ZNF814: variants seen among roughly 807,000 people sequenced by gnomAD.
The protein encoded by ZNF814 is zinc finger protein 814.
ZNF814 carries 5 observed loss-of-function variants against 7.5 expected under a neutral mutation model. The ratio of observed to expected loss-of-function variants is 0.67; its 90% confidence interval spans 0.35 to 1.40. The LOEUF (loss-of-function observed/expected upper bound fraction) is 1.40. Among genes scored for constraint, ZNF814 ranks in the 40% most tolerant of loss-of-function variants. The pLI, the probability that ZNF814 is intolerant of heterozygous loss-of-function variation, is 0.04. For missense variants in ZNF814, 962 were observed against 1,018.0 expected, an observed-to-expected ratio of 0.94 and a Z score of 0.75; for synonymous variants, 315 against 340.7, an observed-to-expected ratio of 0.92 and a Z score of 0.83.
At chr19:57,888,247 G>A (rs1435624049) in intron 1 of ZNF814, among the ~76,000 whole-genome samples, 4 of 152,122 alleles carry the variant, frequency 2.6e-5, no homozygotes, top group African/African-American at 7.2e-5. Context: ...CAGCCTCTGT[G>A]CCCATGGCCA....
At position 57,876,874 on chromosome 19, in the gene ZNF814, C is replaced by T. The variant is rs772669714; in HGVS notation, c.163+42G>A. 8.3e-5 allele frequency: 134 copies of T among 1,609,494 alleles called. 5 individuals are homozygous for T. In the South Asian group the frequency reaches 1.3e-3, roughly 16 times the overall value. ...ACCAATGGGGAAAGATAGGGGAAAA[C>T]AGAGACTAGCTCAGGTCACAGGGTG... On this transcript the variant is annotated intron_variant, in intron 2 of 2. Transcript: ENST00000435989.
At chr19:57,890,683 CT>C (rs2071730255), upstream of ZNF814, among the ~76,000 whole-genome samples, 1 of 152,128 alleles carries the variant, frequency 6.6e-6, no homozygotes, top group South Asian at 2.1e-4. Context: ...CCAATCTTAG[CT>C]TTTGCAATGG....
chr19:57,878,532 T>A (rs1232669642), intron 1 of ZNF814, among the ~76,000 whole-genome samples: 5 of 150,248 alleles, frequency 3.3e-5, no homozygotes, highest in Non-Finnish European at 7.4e-5. Flanking sequence ...CAATCTCGGC[T>A]CACTGCAACC....
chr19:57,901,050 G>GTGTTATCCAGGA, the ZNF814 span, among the ~76,000 whole-genome samples: 2 of 150,962 alleles, frequency 1.3e-5, no homozygotes. Flanking sequence ...GGGTTTCACC[G>GTGTTATCCAGGA]TGGTCTTGAT....
At chr19:57,883,868 C>T (rs1371708476) in intron 1 of ZNF814, among the ~76,000 whole-genome samples, 2 of 151,866 alleles carry the variant, frequency 1.3e-5, no homozygotes, top group Non-Finnish European at 2.9e-5. Flanking sequence ...AGTGATTCTC[C>T]TGCCTCAGCT....
chr19:57,880,510 G>C (rs1280958455), intron 1 of ZNF814, among the ~76,000 whole-genome samples: 1 of 151,408 alleles, frequency 6.6e-6, no homozygotes, highest in African/African-American at 2.5e-5. Flanking sequence ...GGTTTCTCTA[G>C]TGTTTCCGGT....
Position 57,873,510 on chromosome 19 carries a change from G to A in ZNF814, c.1880C>T (p.Thr627Ile). Reference sequence around the variant, plus strand: ...TCCACACTTGTAAGGTCTTTCTCCAGTGTGCATGCGCTGATGGTGAACAAG... The same window carrying A: ...TCCACACTTGTAAGGTCTTTCTCCAATGTGCATGCGCTGATGGTGAACAAG... Reference protein sequence around the residue: ...RSLVHHQRMHTGERPYKCGDC... With the variant: ...RSLVHHQRMHIGERPYKCGDC... The change falls in exon 3 of 3, where the codon ACT (threonine) becomes ATT (isoleucine). Residue 627 changes from threonine to isoleucine, a missense_variant. By Grantham distance (89) the Thr-to-Ile change is moderately conservative. This residue lies in a region of ZNF814 where 665 missense variants were observed against 551.4 expected (regional missense o/e 1.21). Coordinates refer to ENST00000435989, the MANE Select transcript of ZNF814 (RefSeq NM_001144989.2). 3 of 1,614,080 alleles carry A rather than the reference G, an allele frequency of 1.9e-6. No homozygotes were observed. The highest frequency in any genetic ancestry group is 2.5e-6 in the Non-Finnish European group (3 of 1,179,994).
At chr19:57,900,426 C>G in the ZNF814 span, 1 of 152,192 alleles carries the variant, frequency 6.6e-6, no homozygotes, top group Non-Finnish European at 1.5e-5. Context: ...GGCGGATGCA[C>G]TGGTTTCTGC....
At position 57,872,464 on chromosome 19, in the gene ZNF814, T is replaced by C. The variant is rs2071563824; in HGVS notation, c.*358A>G. On this transcript the variant is annotated 3_prime_UTR_variant, in exon 3 of 3. Transcript: ENST00000435989. ...CTCTGATCTTGAAGGAGCAAAGAGGTGTGGCTACAAAATTGCCCAAATGTA... is the reference window on the plus strand; with the variant it reads ...CTCTGATCTTGAAGGAGCAAAGAGGCGTGGCTACAAAATTGCCCAAATGTA... The C allele has an allele frequency of 7.3e-6, 3 of 411,740 alleles. No individual in the cohort carries two copies. In the East Asian group the frequency reaches 1.3e-4, roughly 18 times the overall value. 25.5% of individuals were successfully genotyped at this position (411,740 alleles called of 1,614,324 possible).
Position 57,870,675 on chromosome 19 carries a change from G to A in ZNF814, c.*2147C>T, listed in dbSNP as rs758765084. ...ATATACGTAGTGACTGGATCATTGTGGATGCCCTTTTAAAAGACATGCATT... is the reference window on the plus strand; with the variant it reads ...ATATACGTAGTGACTGGATCATTGTAGATGCCCTTTTAAAAGACATGCATT... On this transcript the variant is annotated 3_prime_UTR_variant, in exon 3 of 3. Transcript: ENST00000435989. 5.3e-5 allele frequency: 8 copies of A among 152,156 alleles called. No individual in the cohort carries two copies. Among genetic ancestry groups the A allele is most frequent in the Non-Finnish European group, 1.2e-4 (8 of 68,030 alleles). 9.4% of individuals were successfully genotyped at this position (152,156 alleles called of 1,614,324 possible).
the ZNF814 span, among the ~76,000 whole-genome samples, chr19:57,898,940 A>C: frequency 0.29 from 28,775 of 99,636 alleles, 2,251 homozygotes; most frequent in East Asian, 0.42. Context: ...ACTCTGTCTC[A>C]AAAAAAAAAA....
At position 57,871,807 on chromosome 19, in the gene ZNF814, G is replaced by GT. The variant is rs2071559041; in HGVS notation, c.*1014dup. 1.2e-5 allele frequency: 1 copy of GT among 81,888 alleles called. No individual in the cohort carries two copies. The highest frequency in any genetic ancestry group is 5.6e-5 in the African/African-American group (1 of 17,878). The allele number at this position is 81,888 out of a possible 1,614,324, so 5.1% of individuals were successfully genotyped here. On this transcript the variant is annotated 3_prime_UTR_variant, in exon 3 of 3. Coordinates refer to ENST00000435989, the MANE Select transcript of ZNF814 (RefSeq NM_001144989.2). ...TCTGTGACTCGATCAGAAATTAAAA[G>GT]TTAAAAAAAAAAAAAAAAAAGGCCA...
chr19:57,892,220 T>TA (rs1346678900), upstream of ZNF814, among the ~76,000 whole-genome samples: 7 of 152,208 alleles, frequency 4.6e-5, no homozygotes, highest in African/African-American at 1.4e-4. Flanking sequence ...TCTCTTCACA[T>TA]AGTCTACAGA....
chr19:57,872,361 TCTC>T lies in ZNF814; in HGVS notation c.*458_*460del, dbSNP rs1412371521. The T allele has an allele frequency of 5.3e-6, 1 of 190,014 alleles. No homozygotes were observed. The highest frequency in any genetic ancestry group is 1.1e-5 in the Non-Finnish European group (1 of 92,522). 11.8% of individuals were successfully genotyped at this position (190,014 alleles called of 1,614,324 possible). ...CAAAAGGCATTTCTGCAGTGGGAAGTCTCCTGTGTGTTATGAAGCTAGATTTCT... is the reference window on the plus strand; with the variant it reads ...CAAAAGGCATTTCTGCAGTGGGAAGTCTGTGTGTTATGAAGCTAGATTTCT... On this transcript the variant is annotated 3_prime_UTR_variant, in exon 3 of 3. Coordinates refer to ENST00000435989, the MANE Select transcript of ZNF814 (RefSeq NM_001144989.2).
In ZNF814 at chr19:57,869,942, C is replaced by CAAAAAAAAAAAAAAAAAAAAAAAAAAAA. The variant is rs57591690; in HGVS notation, c.*2879_*2880insTTTTTTTTTTTTTTTTTTTTTTTTTTTT. On this transcript the variant is annotated 3_prime_UTR_variant, in exon 3 of 3. Coordinates refer to ENST00000435989, the MANE Select transcript of ZNF814 (RefSeq NM_001144989.2). ...CCTGGCTGACAGTGAGACTCTGTCT[C>CAAAAAAAAAAAAAAAAAAAAAAAAAAAA]AAAAAAAAAAAAAAAAGGTTGGGCA... The CAAAAAAAAAAAAAAAAAAAAAAAAAAAA allele has an allele frequency of 7.5e-6, 1 of 133,384 alleles. No individual in the cohort carries two copies. Among genetic ancestry groups the CAAAAAAAAAAAAAAAAAAAAAAAAAAAA allele is most frequent in the African/African-American group, 3.0e-5 (1 of 33,364 alleles). The allele number at this position is 133,384 out of a possible 1,614,324, so 8.3% of individuals were successfully genotyped here. A position where few individuals can be genotyped will look rare whatever the true frequency, so the allele number is the denominator to read the frequency against.
At chr19:57,893,779 G>T (rs967326562), upstream of ZNF814, among the ~76,000 whole-genome samples, 2 of 151,846 alleles carry the variant, frequency 1.3e-5, no homozygotes, top group Non-Finnish European at 2.9e-5. Flanking sequence ...AATAAGCCGG[G>T]TGTGGTGGTG....
At chr19:57,878,832 CA>C (rs1276594395) in intron 1 of ZNF814, among the ~76,000 whole-genome samples, 5 of 152,118 alleles carry the variant, frequency 3.3e-5, no homozygotes, top group African/African-American at 4.8e-5. Flanking sequence ...TCTGGGAGGC[CA>C]AAGTGTAAGG....
intron 1 of ZNF814, among the ~76,000 whole-genome samples, chr19:57,883,448 G>A (rs2071664729): frequency 6.6e-6 from 1 of 151,726 alleles, no homozygotes; most frequent in Non-Finnish European, 1.5e-5. Flanking sequence ...GGATCATGAG[G>A]TCAAGAGATC....
upstream of ZNF814, among the ~76,000 whole-genome samples, chr19:57,893,583 C>T (rs976788922): frequency 7.3e-5 from 11 of 151,552 alleles, no homozygotes; most frequent in Admixed American, 5.9e-4. Flanking sequence ...TCGACAACAG[C>T]CTGACCAACA....
Sources: allele counts gnomAD v4.1 joint callset (sites outside exome capture counted in the v4.1 genomes callset), GRCh38; gene constraint gnomAD v4.1.1; regional missense constraint gnomAD v4.1.1; transcripts MANE v1.5; gene names NCBI Gene and HGNC (gene_info 2026-07-23, HGNC 2026-07-21).